The following BTAF1 variants were observed in gnomAD, a reference collection of about 807,000 sequenced individuals.
The protein encoded by BTAF1 is TATA-binding protein-associated factor 172.
BTAF1 carries 38 observed loss-of-function variants against 227.1 expected under a neutral mutation model. That is an observed-to-expected ratio of 0.17 (90% CI 0.13 to 0.22). The LOEUF (loss-of-function observed/expected upper bound fraction) is 0.22. BTAF1 is among the 10% of genes least tolerant of loss of function. BTAF1 has a pLI of 1.00. For synonymous variants in BTAF1, 742 were observed against 751.9 expected (o/e 0.99, Z 0.21); for missense variants, 1,598 against 2,204.0 (o/e 0.73, Z 5.51).
rs530352764 is a variant in BTAF1 at position 91,924,858 on chromosome 10, G to C, written c.14+768G>C. Among the ~76,000 whole-genome samples the C allele has an allele frequency of 3.9e-5, 6 of 152,326 alleles. No individual in the cohort carries two copies. The East Asian group carries it at 1.2e-3, about 29-fold the overall frequency. ...TGTAAGCGGAATTTGGTGACCCTCT[G>C]TACATGTAATTAAGGGATAGTTCCT... On this transcript the variant is annotated intron_variant, in intron 1 of 37. Transcript: ENST00000265990.
chr10:91,992,851 G>A (rs1019662052), intron 21 of BTAF1, among the ~76,000 whole-genome samples: 4 of 152,194 alleles, frequency 2.6e-5, no homozygotes, highest in Non-Finnish European at 4.4e-5. Flanking sequence ...CTGTTACACC[G>A]TACAGTCTTA....
Position 91,923,837 on chromosome 10 carries a change from G to A in BTAF1, c.-240G>A. 1 of 448,946 alleles carries A rather than the reference G, an allele frequency of 2.2e-6. No individual in the cohort carries two copies. The highest frequency in any genetic ancestry group is 4.1e-5 in the South Asian group (1 of 24,266). The allele number at this position is 448,946 out of a possible 1,614,324, so 27.8% of individuals were successfully genotyped here. ...AGGGTACCCGGTTTGAAGTCGTGCG[G>A]GTCGGAGGACTGCCGCCTCCGCTAC... On this transcript the variant is annotated 5_prime_UTR_variant, in exon 1 of 38. Transcript: ENST00000265990.
At chr10:91,979,242 T>A (rs1369176296) in intron 14 of BTAF1, among the ~76,000 whole-genome samples, 1 of 152,206 alleles carries the variant, frequency 6.6e-6, no homozygotes, top group African/African-American at 2.4e-5. Flanking sequence ...TTAGGTTGAT[T>A]CCGTGTCTTT....
chr10:92,028,920 A>G lies in BTAF1; in HGVS notation c.5537A>G (p.His1846Arg), dbSNP rs1851715773. Residue 1846 changes from histidine (H) to arginine (R), a missense_variant, in exon 38 of 38, where the codon CAT becomes CGT. His to Arg is a conservative substitution (Grantham distance 29). This residue lies in a region of BTAF1 where 79 missense variants were observed against 97.9 expected (regional missense o/e 0.81). Coordinates refer to ENST00000265990, the MANE Select transcript of BTAF1 (RefSeq NM_003972.3). ...DSEYSLENFM[H>R]SLK ...GAGTACAGCCTGGAAAATTTTATGCATTCTCTCAAGTAACTATCAAATATT... is the reference window on the plus strand; with the variant it reads ...GAGTACAGCCTGGAAAATTTTATGCGTTCTCTCAAGTAACTATCAAATATT... The G allele has an allele frequency of 6.3e-7, 1 of 1,586,852 alleles. No homozygotes were observed. Among genetic ancestry groups the G allele is most frequent in the African/African-American group, 1.4e-5 (1 of 73,452 alleles).
intron 36 of BTAF1, among the ~76,000 whole-genome samples, 157 bp downstream of exon 36, chr10:92,026,908 C>T (rs1425815602): frequency 6.6e-6 from 1 of 152,188 alleles, no homozygotes. Context: ...ATCACTTCCT[C>T]ATGCATTAAA....
chr10:91,991,271 A>AATATATATATATATATATATATATATAT, intron 20 of BTAF1, among the ~76,000 whole-genome samples: 1 of 66,216 alleles, frequency 1.5e-5, no homozygotes, highest in East Asian at 9.2e-4. Flanking sequence ...TATAAATATA[A>AATATATATATATATATATATATATATAT]ATATATATAT....
Position 92,013,659 on chromosome 10 carries a change from G to A in BTAF1, c.4312-8G>A, listed in dbSNP as rs1589972056. Reference sequence around the variant, plus strand: ...AGTACAAAAGATAATTGGTGTTCCTGTTTACAGAACAACGTTTTGGAGCTG... The same window carrying A: ...AGTACAAAAGATAATTGGTGTTCCTATTTACAGAACAACGTTTTGGAGCTG... On this transcript the variant is annotated splice_region_variant and splice_polypyrimidine_tract_variant and intron_variant, in intron 30 of 37. Coordinates refer to ENST00000265990, the MANE Select transcript of BTAF1 (RefSeq NM_003972.3). 1.2e-6 allele frequency: 2 copies of A among 1,613,940 alleles called. No homozygotes were observed. Among genetic ancestry groups the A allele is most frequent in the East Asian group, 4.5e-5 (2 of 44,874 alleles).
intron 14 of BTAF1, among the ~76,000 whole-genome samples, chr10:91,967,917 T>A (rs1377159447): frequency 2.0e-5 from 3 of 152,170 alleles, no homozygotes; most frequent in Non-Finnish European, 4.4e-5. Context: ...ACAGAAAAAA[T>A]GAAGGAAAAG....
intron 20 of BTAF1, among the ~76,000 whole-genome samples, chr10:91,991,761 A>G (rs1344688971): frequency 6.7e-6 from 1 of 150,114 alleles, no homozygotes; most frequent in African/African-American, 2.4e-5. Flanking sequence ...TCTCAGAAAA[A>G]AAAAATTATA....
At position 92,026,667 on chromosome 10, in the gene BTAF1, C is replaced by T. The variant is rs115420420; in HGVS notation, c.5151C>T (p.Gly1717=). Residue 1717 remains glycine, a synonymous_variant, in exon 36 of 38, where the codon GGC becomes GGT. Transcript: ENST00000265990. ...HVGGLGLNLT[G]ADTVVFVEHD... is the part of the protein sequence containing the mutation. The stretch of plus-strand genomic sequence containing the variant: ...GTGGCCTGGGACTTAATTTGACAGG[C>T]GCTGACACAGTAGTATTTGTGGAGC... 2.9e-4 allele frequency: 471 copies of T among 1,613,872 alleles called. No homozygotes were observed. The African/African-American group carries it at 5.0e-3, about 17-fold the overall frequency.
intron 24 of BTAF1, chr10:91,997,095 C>T (rs1849190052): frequency 3.1e-6 from 4 of 1,288,034 alleles, no homozygotes; most frequent in Non-Finnish European, 3.0e-6. Context: ...TCACAGAGCT[C>T]AAAAGATGGA....
intron 1 of BTAF1, among the ~76,000 whole-genome samples, chr10:91,932,831 G>A (rs1322490197): frequency 2.0e-5 from 3 of 152,250 alleles, no homozygotes; most frequent in African/African-American, 7.2e-5. Flanking sequence ...TTTGTTTGCT[G>A]TAGCACATTT....
At chr10:91,935,914 A>C in intron 2 of BTAF1, 134 bp downstream of exon 2, 1 of 921,276 alleles carries the variant, frequency 1.1e-6, no homozygotes, top group Non-Finnish European at 1.5e-6. Flanking sequence ...TCTGGTCACA[A>C]GACTTAAACT....
chr10:92,005,403 G>A (rs1589945393), intron 25 of BTAF1, among the ~76,000 whole-genome samples: 1 of 152,182 alleles, frequency 6.6e-6, no homozygotes, highest in East Asian at 1.9e-4. Flanking sequence ...GATAGTTTTG[G>A]GTAGTATGGA....
At chr10:91,995,607 C>G (rs1232823105) in intron 23 of BTAF1, among the ~76,000 whole-genome samples, 2 of 151,052 alleles carry the variant, frequency 1.3e-5, no homozygotes, top group Admixed American at 1.3e-4. Context: ...ACCCGGGAGG[C>G]AGAGGTTGCA....
intron 30 of BTAF1, among the ~76,000 whole-genome samples, chr10:92,012,834 A>G (rs1411055221): frequency 6.6e-6 from 1 of 151,980 alleles, no homozygotes; most frequent in Non-Finnish European, 1.5e-5. Context: ...CTTTAGGCTG[A>G]ATTATCAAGA....
At chr10:91,978,273 C>T (rs1847823000) in intron 14 of BTAF1, among the ~76,000 whole-genome samples, 1 of 152,020 alleles carries the variant, frequency 6.6e-6, no homozygotes, top group Non-Finnish European at 1.5e-5. Context: ...ATGTATTGGT[C>T]ATAAATATAG....
intron 14 of BTAF1, among the ~76,000 whole-genome samples, chr10:91,970,015 A>T (rs375918902): frequency 2.1e-4 from 32 of 149,028 alleles, no homozygotes; most frequent in African/African-American, 4.7e-4. Flanking sequence ...GATTATGGAT[A>T]TTGGCTTTTA....
At chr10:91,937,171 T>G (rs1198144058) in intron 2 of BTAF1, among the ~76,000 whole-genome samples, 2 of 151,984 alleles carry the variant, frequency 1.3e-5, no homozygotes, top group African/African-American at 4.8e-5. Context: ...ATTTTTGTAT[T>G]TTTAGTGGAG....
Sources: allele counts gnomAD v4.1 joint callset (sites outside exome capture counted in the v4.1 genomes callset), GRCh38; gene constraint gnomAD v4.1.1; regional missense constraint gnomAD v4.1.1; transcripts MANE v1.5; gene names NCBI Gene and HGNC (gene_info 2026-07-23, HGNC 2026-07-21).